ANTXR2: variants seen among roughly 807,000 people sequenced by gnomAD.
ANTXR2 encodes the protein anthrax toxin receptor 2.
ANTXR2 carries 44 observed loss-of-function variants against 73.7 expected under a neutral mutation model. The ratio of observed to expected loss-of-function variants is 0.60; its 90% CI spans 0.47 to 0.77. The LOEUF (loss-of-function observed/expected upper bound fraction) is 0.77, where lower values mean the gene tolerates loss of function less well. Ranked by LOEUF, ANTXR2 falls within the 30% of genes least tolerant of loss-of-function variation. ANTXR2 has a pLI of 0.00. For synonymous variants in ANTXR2, 217 were observed against 205.9 expected (o/e 1.05, Z -0.46); for missense variants, 604 against 592.5 (o/e 1.02, Z -0.20).
chr4:80,051,666 G>T (rs561191554), intron 7 of ANTXR2, among the ~76,000 whole-genome samples: 4 of 151,690 alleles, frequency 2.6e-5, no homozygotes, highest in Admixed American at 6.6e-5. Flanking sequence ...TGATTTTCTG[G>T]ATCAAATACA....
intron 12 of ANTXR2, among the ~76,000 whole-genome samples, chr4:79,999,054 G>A (rs1730880330): frequency 6.6e-6 from 1 of 152,016 alleles, no homozygotes; most frequent in Non-Finnish European, 1.5e-5. Context: ...TGAACTGAAA[G>A]ATTTAAAATT....
rs1726935652 is a variant in ANTXR2 at position 79,906,952 on chromosome 4, T to C, written c.*477A>G. 5.4e-6 allele frequency: 1 copy of C among 183,490 alleles called. No homozygotes were observed. The highest frequency in any genetic ancestry group is 2.4e-5 in the African/African-American group (1 of 41,624). 11.4% of individuals were successfully genotyped at this position (183,490 alleles called of 1,614,324 possible). ...AAGGCAATGGACTTCTTTATTTGCT[T>C]AGCCTGGTGGGAAATTTCATACTCT... On this transcript the variant is annotated 3_prime_UTR_variant, in exon 17 of 17. Coordinates refer to ENST00000403729, the MANE Select transcript of ANTXR2 (RefSeq NM_058172.6).
At chr4:80,053,402 G>T (rs912897366) in intron 7 of ANTXR2, among the ~76,000 whole-genome samples, 1 of 151,442 alleles carries the variant, frequency 6.6e-6, no homozygotes, top group African/African-American at 2.4e-5. Context: ...AAAAGCCTAC[G>T]TGCTACTAAA....
intron 7 of ANTXR2, among the ~76,000 whole-genome samples, chr4:80,051,332 T>C (rs988056520): frequency 4.6e-5 from 7 of 151,868 alleles, no homozygotes; most frequent in Admixed American, 1.3e-4. Context: ...TAATCATTCA[T>C]TTCAAGCCCC....
intron 12 of ANTXR2, among the ~76,000 whole-genome samples, chr4:79,985,122 G>T (rs1272930985): frequency 6.6e-6 from 1 of 152,026 alleles, no homozygotes; most frequent in Non-Finnish European, 1.5e-5. Flanking sequence ...GCCGAGGGGG[G>T]CGGATCACGA....
chr4:79,994,769 G>A (rs772986691), intron 12 of ANTXR2, among the ~76,000 whole-genome samples: 5 of 151,818 alleles, frequency 3.3e-5, no homozygotes, highest in Non-Finnish European at 5.9e-5. Context: ...TACCATGGGA[G>A]GCATCTTTAC....
Position 79,978,059 on chromosome 4 carries a change from C to G in ANTXR2, c.1295G>C (p.Arg432Pro), listed in dbSNP as rs767242762. The G allele has an allele frequency of 6.2e-7, 1 of 1,612,632 alleles. No individual in the cohort carries two copies. The highest frequency in any genetic ancestry group is 1.3e-5 in the African/African-American group (1 of 74,874). ...TEEPIRPRPP[R>P]PKPTHQPPQT... ...AGGAGGCTGGTGTGTGGGTTTGGGTCGAGGTGGTCTAGGCCTGATGGGTTC... is the reference window on the plus strand; with the variant it reads ...AGGAGGCTGGTGTGTGGGTTTGGGTGGAGGTGGTCTAGGCCTGATGGGTTC... The change falls in exon 15 of 17, where the codon CGA becomes CCA. Residue 432 changes from arginine (R) to proline (P), a missense_variant. Transcript: ENST00000403729.
intron 7 of ANTXR2, among the ~76,000 whole-genome samples, chr4:80,045,354 T>C (rs907483410): frequency 2.6e-5 from 4 of 151,774 alleles, no homozygotes; most frequent in African/African-American, 4.8e-5. Context: ...ATGTGCTACC[T>C]AAAGTTCTCC....
chr4:79,929,012 T>A (rs1727945245), intron 16 of ANTXR2, among the ~76,000 whole-genome samples: 1 of 152,088 alleles, frequency 6.6e-6, no homozygotes, highest in Admixed American at 6.6e-5. Context: ...GGAGAAGAAG[T>A]ATTTCAGGGT....
intron 7 of ANTXR2, among the ~76,000 whole-genome samples, chr4:80,036,499 A>G (rs923032959): frequency 2.6e-5 from 4 of 152,074 alleles, no homozygotes; most frequent in Non-Finnish European, 4.4e-5. Context: ...TCAAAATAAT[A>G]TCAATAAAAA....
At chr4:80,048,120 G>T (rs1733606578) in intron 7 of ANTXR2, among the ~76,000 whole-genome samples, 1 of 150,866 alleles carries the variant, frequency 6.6e-6, no homozygotes, top group African/African-American at 2.4e-5. Flanking sequence ...TGGAATCAGA[G>T]GTTAATTTTT....
chr4:79,974,716 C>T (rs1046424397), intron 16 of ANTXR2, among the ~76,000 whole-genome samples: 1 of 149,274 alleles, frequency 6.7e-6, no homozygotes, highest in African/African-American at 2.5e-5. Flanking sequence ...ATAATCTGAC[C>T]TCAAGAGTTA....
intron 16 of ANTXR2, among the ~76,000 whole-genome samples, chr4:79,927,899 T>G (rs552460063): frequency 6.6e-6 from 1 of 152,184 alleles, no homozygotes; most frequent in Non-Finnish European, 1.5e-5. Flanking sequence ...GAAATCCTCA[T>G]GCATTGCTGG....
In ANTXR2 at chr4:79,904,071, G is replaced by A. The variant is rs1726816209; in HGVS notation, c.*3358C>T. ...CATATATAAGCTGGTCTATCAAAAT[G>A]TTTTAAACACCTAATTATCCACAAT... On this transcript the variant is annotated 3_prime_UTR_variant, in exon 17 of 17. Transcript: ENST00000403729. 6.6e-6 allele frequency: 1 copy of A among 151,232 alleles called. No individual in the cohort carries two copies. Among genetic ancestry groups the A allele is most frequent in the African/African-American group, 2.4e-5 (1 of 41,116 alleles). The allele number at this position is 151,232 out of a possible 1,614,324, so 9.4% of individuals were successfully genotyped here.
At chr4:80,035,856 G>T in intron 8 of ANTXR2, 116 bp downstream of exon 8, 1 of 814,384 alleles carries the variant, frequency 1.2e-6, no homozygotes, top group Non-Finnish European at 1.9e-6. Flanking sequence ...ACACAAAAAA[G>T]ATGCCAAAAA....
chr4:79,966,959 G>C lies in ANTXR2; in HGVS notation c.1428+10662C>G, dbSNP rs1729393679. Reference sequence around the variant, plus strand: ...GAACAGCTCAGGTCTACAGCTCCCAGCGTGAGCGACGCAGAAGACGGTGAT... The same window carrying C: ...GAACAGCTCAGGTCTACAGCTCCCACCGTGAGCGACGCAGAAGACGGTGAT... On this transcript the variant is annotated intron_variant, in intron 16 of 16. Coordinates refer to ENST00000403729, the MANE Select transcript of ANTXR2 (RefSeq NM_058172.6). 3.7e-5 allele frequency among the ~76,000 whole-genome samples: 3 copies of C among 81,914 alleles called. 1 individual carries two copies. Among genetic ancestry groups the C allele is most frequent in the African/African-American group, 8.5e-5 (3 of 35,114 alleles). The allele number at this position is 81,914 out of a possible 152,430, so 53.7% of individuals were successfully genotyped here.
At chr4:79,927,311 C>T (rs866017486) in intron 16 of ANTXR2, among the ~76,000 whole-genome samples, 1 of 151,696 alleles carries the variant, frequency 6.6e-6, no homozygotes, top group Non-Finnish European at 1.5e-5. Flanking sequence ...CACACACACA[C>T]GCACTCACCT....
intron 15 of ANTXR2, 96 bp from the exon 16 acceptor site, chr4:79,977,797 T>C: frequency 7.6e-7 from 1 of 1,314,608 alleles, no homozygotes; most frequent in Non-Finnish European, 1.0e-6. Context: ...TAAAATCTTC[T>C]TTACCCTCAT....
At chr4:79,993,760 G>GTGCACACACA in intron 12 of ANTXR2, among the ~76,000 whole-genome samples, 1 of 140,770 alleles carries the variant, frequency 7.1e-6, no homozygotes, top group South Asian at 2.3e-4. Flanking sequence ...ACACACACAC[G>GTGCACACACA]CACACACACA....
Sources: allele counts gnomAD v4.1 joint callset (sites outside exome capture counted in the v4.1 genomes callset), GRCh38; gene constraint gnomAD v4.1.1; transcripts MANE v1.5; gene names NCBI Gene and HGNC (gene_info 2026-07-23, HGNC 2026-07-21).